Variants in CYLC2 observed in about 807,000 individuals in gnomAD.
The protein encoded by CYLC2 is cylicin-2.
CYLC2 carries 30 observed loss-of-function variants against 26.1 expected under a neutral mutation model. The ratio of observed to expected loss-of-function variants is 1.15; its 90% CI spans 0.86 to 1.56. The LOEUF (loss-of-function observed/expected upper bound fraction) is 1.56. Among genes scored for constraint, CYLC2 ranks in the 40% most tolerant of loss-of-function variants. CYLC2 has a pLI of 0.00. For synonymous variants in CYLC2, 158 were observed against 132.8 expected, an observed-to-expected ratio of 1.19 and a Z score of -1.31; for missense variants, 498 against 394.4, an observed-to-expected ratio of 1.26 and a Z score of -2.23.
chr9:103,004,758 A>G lies in CYLC2; in HGVS notation c.244A>G (p.Met82Val). The G allele has an allele frequency of 6.2e-7, 1 of 1,611,386 alleles. No individual in the cohort carries two copies. The highest frequency in any genetic ancestry group is 1.1e-5 in the South Asian group (1 of 90,524). The change falls in exon 4 of 8, where the codon ATG becomes GTG. Residue 82 changes from methionine (M) to valine (V), a missense_variant. Transcript: ENST00000374798. Reference protein sequence around the residue: ...RQPLWMYRSLMRISERPSVYL... With the variant: ...RQPLWMYRSLVRISERPSVYL... ...ACCATTATGGATGTACCGTTCTTTAATGAGAATTTCTGAGAGACCATCTGT... is the reference window on the plus strand; with the variant it reads ...ACCATTATGGATGTACCGTTCTTTAGTGAGAATTTCTGAGAGACCATCTGT...
intron 6 of CYLC2, among the ~76,000 whole-genome samples, chr9:103,013,774 ATATAT>A (rs1460355470): frequency 2.8e-5 from 3 of 106,636 alleles, no homozygotes; most frequent in Non-Finnish European, 5.1e-5. Flanking sequence ...ATTTTATATT[ATATAT>A]TATATGATTA....
At chr9:102,995,861 A>G (rs939444564) in intron 1 of CYLC2, among the ~76,000 whole-genome samples, 21 of 151,874 alleles carry the variant, frequency 1.4e-4, no homozygotes, top group African/African-American at 4.3e-4. Context: ...AATGTGACCA[A>G]CTGAATACTA....
At chr9:103,008,257 A>C (rs1443704821) in intron 5 of CYLC2, among the ~76,000 whole-genome samples, 2 of 152,068 alleles carry the variant, frequency 1.3e-5, no homozygotes, top group African/African-American at 4.8e-5. Context: ...TCTACCTTTA[A>C]TATCCTACTG....
At chr9:102,998,926 T>C (rs188348079) in intron 1 of CYLC2, among the ~76,000 whole-genome samples, 3 of 152,064 alleles carry the variant, frequency 2.0e-5, no homozygotes, top group Admixed American at 6.6e-5. Flanking sequence ...TTAAAGTTTC[T>C]ATATTGCACA....
intron 1 of CYLC2, among the ~76,000 whole-genome samples, chr9:103,000,628 GA>G (rs1829279025): frequency 1.3e-5 from 2 of 151,906 alleles, no homozygotes; most frequent in African/African-American, 2.4e-5. Context: ...TTTATAGCAC[GA>G]AAAAATGTGC....
intron 2 of CYLC2, 92 bp downstream of exon 2, chr9:103,001,710 C>A: frequency 2.5e-6 from 2 of 790,078 alleles, no homozygotes; most frequent in South Asian, 1.8e-5. Flanking sequence ...GCAAACATTG[C>A]CATGGAATAA....
chr9:103,014,712 AATATACATAT>A (rs1334790362), intron 6 of CYLC2, among the ~76,000 whole-genome samples: 8 of 118,152 alleles, frequency 6.8e-5, no homozygotes, highest in East Asian at 5.4e-4. Flanking sequence ...TATATTATGC[AATATACATAT>A]GTAATATACG....
intron 6 of CYLC2, among the ~76,000 whole-genome samples, chr9:103,013,243 TA>T (rs1829432332): frequency 9.0e-6 from 1 of 110,860 alleles, no homozygotes; most frequent in Non-Finnish European, 1.7e-5. Context: ...ATATAACATG[TA>T]AATATATATT....
At chr9:103,015,258 ATT>A (rs1376033522) in intron 6 of CYLC2, among the ~76,000 whole-genome samples, 3 of 124,294 alleles carry the variant, frequency 2.4e-5, no homozygotes, top group African/African-American at 8.8e-5. Flanking sequence ...TATAATATAT[ATT>A]ATATACATAT....
At chr9:103,015,231 TTATA>T (rs1451994598) in intron 6 of CYLC2, among the ~76,000 whole-genome samples, 2 of 122,080 alleles carry the variant, frequency 1.6e-5, no homozygotes, top group African/African-American at 6.1e-5. Context: ...ATACCTATAT[TTATA>T]TATAATCTGA....
At chr9:103,003,586 T>C (rs1387995991) in intron 3 of CYLC2, among the ~76,000 whole-genome samples, 2 of 152,174 alleles carry the variant, frequency 1.3e-5, no homozygotes, top group East Asian at 1.9e-4. Context: ...ACAGCACAGT[T>C]AGAGATAATT....
intron 1 of CYLC2, among the ~76,000 whole-genome samples, chr9:102,998,675 T>C (rs901456709): frequency 6.6e-6 from 1 of 151,956 alleles, no homozygotes; most frequent in African/African-American, 2.4e-5. Flanking sequence ...GGTTAAAATG[T>C]ATTGAACTGT....
At chr9:103,006,561 T>C (rs1034627961) in intron 5 of CYLC2, among the ~76,000 whole-genome samples, 183 bp downstream of exon 5, 2 of 151,974 alleles carry the variant, frequency 1.3e-5, no homozygotes, top group Non-Finnish European at 2.9e-5. Flanking sequence ...TACAGGCGCC[T>C]GCCACCAAGC....
intron 1 of CYLC2, among the ~76,000 whole-genome samples, chr9:102,999,762 A>T (rs565780296): frequency 6.6e-6 from 1 of 152,008 alleles, no homozygotes; most frequent in African/African-American, 2.4e-5. Flanking sequence ...AATTGGAATG[A>T]TTGCATTGGT....
intron 1 of CYLC2, among the ~76,000 whole-genome samples, chr9:102,997,392 C>T (rs551621986): frequency 6.6e-6 from 1 of 151,932 alleles, no homozygotes. Context: ...GAAATAAATC[C>T]ATGCTAAGAA....
At chr9:103,009,520 C>T (rs1174178592) in intron 5 of CYLC2, among the ~76,000 whole-genome samples, 1 of 152,016 alleles carries the variant, frequency 6.6e-6, no homozygotes, top group African/African-American at 2.4e-5. Flanking sequence ...ATAATTACAT[C>T]ATGGAGAATG....
intron 6 of CYLC2, among the ~76,000 whole-genome samples, chr9:103,014,490 C>T (rs1421052566): frequency 0.014 from 1,808 of 131,334 alleles, 12 homozygotes; most frequent in Middle Eastern, 0.035. Flanking sequence ...GTATATTATG[C>T]AATATACATA....
intron 5 of CYLC2, among the ~76,000 whole-genome samples, chr9:103,006,924 A>G (rs929967271): frequency 6.6e-6 from 1 of 152,296 alleles, no homozygotes; most frequent in East Asian, 1.9e-4. Flanking sequence ...TTGTGCTCTC[A>G]TCGCATAAAT....
Position 103,005,882 on chromosome 9 carries a change from G to T in CYLC2, c.*204G>T. The T allele has an allele frequency of 1.8e-6, 1 of 551,498 alleles. No homozygotes were observed. 34.2% of individuals were successfully genotyped at this position (551,498 alleles called of 1,614,324 possible). ...AGAAAGATGTTAAGAAAAATTAAGG[G>T]GGGATCCATTGAAAGACTTGAAGAA... On this transcript the variant is annotated 3_prime_UTR_variant, in exon 5 of 8. Transcript: ENST00000374798.
Sources: allele counts gnomAD v4.1 joint callset (sites outside exome capture counted in the v4.1 genomes callset), GRCh38; gene constraint gnomAD v4.1.1; transcripts MANE v1.5; gene names NCBI Gene and HGNC (gene_info 2026-07-23, HGNC 2026-07-21).